Variants in MGAT4C observed in about 807,000 individuals in gnomAD.
MGAT4C encodes MGAT4 family member C, also known as alpha-1,3-mannosyl-glycoprotein 4-beta-N-acetylglucosaminyltransferase C.
Under a neutral mutation model 40.1 loss-of-function variants are expected in MGAT4C, and 19 were observed. The observed-to-expected ratio is 0.47, with a 90% confidence interval of 0.33 to 0.70. The LOEUF is 0.70. Among genes scored for constraint, MGAT4C ranks in the 30% least tolerant of loss-of-function variants. MGAT4C has a pLI of 0.02. For missense variants in MGAT4C, 491 were observed against 563.2 expected, an observed-to-expected ratio of 0.87 and a Z score of 1.30; for synonymous variants, 181 against 187.1, an observed-to-expected ratio of 0.97 and a Z score of 0.27.
intron 2 of MGAT4C, among the ~76,000 whole-genome samples, chr12:86,644,562 C>T (rs1185703130): frequency 4.0e-5 from 6 of 151,458 alleles, no homozygotes; most frequent in Non-Finnish European, 7.4e-5. Context: ...ATATACATAC[C>T]CTGTAACCTA....
chr12:86,761,603 T>C (rs1002006825), intron 1 of MGAT4C, among the ~76,000 whole-genome samples: 9 of 152,138 alleles, frequency 5.9e-5, no homozygotes, highest in Non-Finnish European at 1.0e-4. Context: ...GTTAAAGATA[T>C]CAGGAGTCAA....
In MGAT4C at chr12:86,139,348, T is replaced by G. The variant is rs187616896; in HGVS notation, c.-56-89625A>C. On this transcript the variant is annotated intron_variant, in intron 1 of 4. Coordinates refer to ENST00000611864, the MANE Select transcript of MGAT4C (RefSeq NM_001351288.2). ...TCATTCCCTTGATTTCCTTAAAATT[T>G]TATCATTTATGTCTGTATCCCTAAA... Among the ~76,000 whole-genome samples, 7 of 152,240 alleles carry G rather than the reference T, an allele frequency of 4.6e-5. No homozygotes were observed. In the East Asian group the frequency reaches 9.7e-4, roughly 21 times the overall value.
intron 2 of MGAT4C, among the ~76,000 whole-genome samples, chr12:86,008,527 T>C (rs965799624): frequency 2.6e-5 from 4 of 152,228 alleles, no homozygotes; most frequent in Admixed American, 2.6e-4. Flanking sequence ...ATCATGATAT[T>C]GACAAGCAAT....
intron 2 of MGAT4C, among the ~76,000 whole-genome samples, chr12:86,509,818 T>A (rs1376602874): frequency 1.5e-4 from 23 of 152,270 alleles, no homozygotes; most frequent in African/African-American, 4.6e-4. Flanking sequence ...ATTCTCTTTG[T>A]AGCAATTGTG....
At chr12:86,124,657 T>A (rs1879964122) in intron 1 of MGAT4C, among the ~76,000 whole-genome samples, 1 of 151,970 alleles carries the variant, frequency 6.6e-6, no homozygotes, top group Admixed American at 6.6e-5. Flanking sequence ...CATTCAGAGG[T>A]CTCTGTGGTC....
chr12:86,343,440 T>C lies in MGAT4C; in HGVS notation c.-119-9313A>G, dbSNP rs969725605. Among the ~76,000 whole-genome samples the C allele has an allele frequency of 3.9e-5, 6 of 152,198 alleles. No homozygotes were observed. The South Asian group carries it at 1.0e-3, about 26-fold the overall frequency. On this transcript the variant is annotated intron_variant, in intron 3 of 7. Coordinates refer to the MGAT4C transcript ENST00000548651. The stretch of plus-strand genomic sequence containing the variant: ...GTCCATTTTTAGTTATTTGAGCATA[T>C]TGCATCCTAAAACTGTTTTTTTTAA...
chr12:86,032,123 C>A (rs1890808799), intron 2 of MGAT4C, among the ~76,000 whole-genome samples: 1 of 151,938 alleles, frequency 6.6e-6, no homozygotes, highest in South Asian at 2.1e-4. Flanking sequence ...TGTGTAAGAT[C>A]CTGTGGTATA....
intron 3 of MGAT4C, among the ~76,000 whole-genome samples, chr12:86,337,045 A>C (rs934585278): frequency 6.6e-6 from 1 of 151,996 alleles, no homozygotes; most frequent in East Asian, 1.9e-4. Flanking sequence ...ATAGTACATG[A>C]AGTTTTATGT....
intron 4 of MGAT4C, among the ~76,000 whole-genome samples, chr12:86,329,912 G>A (rs1954620936): frequency 6.6e-6 from 1 of 152,084 alleles, no homozygotes; most frequent in Admixed American, 6.6e-5. Flanking sequence ...TAAATGAATG[G>A]ATGCTTTTAA....
intron 2 of MGAT4C, among the ~76,000 whole-genome samples, chr12:86,608,995 TA>T (rs1223586813): frequency 6.6e-6 from 1 of 151,680 alleles, no homozygotes; most frequent in African/African-American, 2.4e-5. Context: ...GCATAGAGAA[TA>T]AAAAAATAAT....
At chr12:86,017,146 T>C (rs1385781256) in intron 2 of MGAT4C, among the ~76,000 whole-genome samples, 1 of 152,172 alleles carries the variant, frequency 6.6e-6, no homozygotes, top group Admixed American at 6.6e-5. Flanking sequence ...AAACGTATTA[T>C]ATCACTTGAG....
chr12:86,422,234 C>G (rs1377804122), intron 3 of MGAT4C, among the ~76,000 whole-genome samples: 1 of 152,184 alleles, frequency 6.6e-6, no homozygotes, highest in Non-Finnish European at 1.5e-5. Context: ...TTTACTCCTT[C>G]TCTCACCCTA....
intron 2 of MGAT4C, among the ~76,000 whole-genome samples, chr12:86,446,381 C>T (rs2136283141): frequency 6.6e-6 from 1 of 151,738 alleles, no homozygotes; most frequent in Non-Finnish European, 1.5e-5. Context: ...CAAAGGAATA[C>T]ACCATTATAG....
At chr12:86,042,672 T>A (rs890744552) in intron 2 of MGAT4C, among the ~76,000 whole-genome samples, 112 of 151,996 alleles carry the variant, frequency 7.4e-4, no homozygotes, top group African/African-American at 2.3e-3. Flanking sequence ...GAGACCATCC[T>A]GGCTAACACG....
chr12:86,565,062 C>T (rs994409034), intron 2 of MGAT4C, among the ~76,000 whole-genome samples: 5 of 152,130 alleles, frequency 3.3e-5, no homozygotes, highest in Non-Finnish European at 5.9e-5. Flanking sequence ...CAGCTCTTGG[C>T]CTGTTACTGC....
At chr12:86,555,527 C>T (rs1369347488) in intron 2 of MGAT4C, among the ~76,000 whole-genome samples, 3 of 152,118 alleles carry the variant, frequency 2.0e-5, no homozygotes, top group Admixed American at 6.5e-5. Context: ...GCTACCCTGA[C>T]GCACCATAAT....
In MGAT4C at chr12:86,244,278, G is replaced by A. The variant is rs549561950; in HGVS notation, c.-57+11961C>T. On this transcript the variant is annotated intron_variant, in intron 1 of 4. Transcript: ENST00000611864. ...AAGATGGTGACTGCCACAGCAGCTC[G>A]AGGGCTGTGTCAGAAACTCTCAGGA... 3.3e-5 allele frequency among the ~76,000 whole-genome samples: 5 copies of A among 152,264 alleles called. No individual in the cohort carries two copies. The East Asian group carries it at 9.7e-4, about 29-fold the overall frequency.
At chr12:85,996,825 C>A (rs999687989) in intron 2 of MGAT4C, among the ~76,000 whole-genome samples, 3 of 152,076 alleles carry the variant, frequency 2.0e-5, no homozygotes, top group African/African-American at 7.2e-5. Context: ...TAAATAAATT[C>A]ATTCATTTTC....
chr12:86,578,495 C>T (rs1209993911), intron 2 of MGAT4C, among the ~76,000 whole-genome samples: 1 of 151,730 alleles, frequency 6.6e-6, no homozygotes, highest in African/African-American at 2.4e-5. Flanking sequence ...GGCATCAGGT[C>T]CCGGGCTTTT....
Sources: gnomAD v4.1 joint callset for allele counts (sites outside exome capture counted in the v4.1 genomes callset) on GRCh38, gnomAD v4.1.1 for gene constraint, MANE v1.5 for transcripts, NCBI Gene and HGNC (gene_info 2026-07-23, HGNC 2026-07-21) for gene names.